The following TLL2 variants were observed in gnomAD, a reference collection of about 807,000 sequenced individuals.
TLL2 encodes tolloid like 2.
TLL2 carries 106 observed loss-of-function variants against 123.0 expected under a neutral mutation model. The observed-to-expected ratio is 0.86, with a 90% CI of 0.74 to 1.01. The LOEUF is 1.01. Among genes scored for constraint, TLL2 ranks in the 50% least tolerant of loss-of-function variants. The pLI is 0.00. For synonymous variants in TLL2, 494 were observed against 516.8 expected, an observed-to-expected ratio of 0.96 and a Z score of 0.60; for missense variants, 1,332 against 1,336.7, an observed-to-expected ratio of 1.00 and a Z score of 0.06.
rs2134047737 is a variant in TLL2 at position 96,367,285 on chromosome 10, G to A, written c.*803C>T. The A allele has an allele frequency of 1.3e-5, 2 of 152,268 alleles. No individual in the cohort carries two copies. Among genetic ancestry groups the A allele is most frequent in the East Asian group, 3.9e-4 (2 of 5,192 alleles). The allele number at this position is 152,268 out of a possible 1,614,324, so 9.4% of individuals were successfully genotyped here. On this transcript the variant is annotated 3_prime_UTR_variant, in exon 21 of 21. Coordinates refer to ENST00000357947, the MANE Select transcript of TLL2 (RefSeq NM_012465.4). ...TGAAGCCCATGGAATTCCAAGCACA[G>A]GTGGAGTCTTCTCAAAGTCAATGAA...
At chr10:96,494,016 G>A (rs1847444407) in intron 1 of TLL2, among the ~76,000 whole-genome samples, 1 of 152,190 alleles carries the variant, frequency 6.6e-6, no homozygotes, top group Non-Finnish European at 1.5e-5. Context: ...TGCACAGGAT[G>A]CTGGTCCCAG....
intron 3 of TLL2, among the ~76,000 whole-genome samples, chr10:96,436,690 CT>C (rs113615659): frequency 3.0e-4 from 44 of 146,798 alleles, no homozygotes; most frequent in South Asian, 6.5e-4. Flanking sequence ...ATTGCTATAC[CT>C]TTTTTTTTTT....
At chr10:96,385,735 C>T (rs1054938415) in intron 15 of TLL2, among the ~76,000 whole-genome samples, 2 of 152,188 alleles carry the variant, frequency 1.3e-5, no homozygotes, top group Non-Finnish European at 2.9e-5. Context: ...CCTTTATTCG[C>T]CTCAGCTGCA....
chr10:96,373,906 G>T, intron 18 of TLL2, 97 bp from the exon 19 acceptor site: 2 of 1,042,366 alleles, frequency 1.9e-6, no homozygotes, highest in Non-Finnish European at 2.8e-6. Context: ...GCGAGGCAGT[G>T]CAGGGAGACG....
intron 13 of TLL2, among the ~76,000 whole-genome samples, chr10:96,392,516 G>A (rs916419464): frequency 6.6e-6 from 1 of 150,670 alleles, no homozygotes; most frequent in African/African-American, 2.4e-5. Flanking sequence ...TCTCAAAATT[G>A]TGCATTGCTG....
At chr10:96,448,848 G>T (rs1053214333) in intron 2 of TLL2, among the ~76,000 whole-genome samples, 1 of 152,120 alleles carries the variant, frequency 6.6e-6, no homozygotes, top group African/African-American at 2.4e-5. Context: ...GCAGTGGAGG[G>T]TCTGGAGAAT....
At chr10:96,380,817 C>T (rs568384764) in intron 16 of TLL2, among the ~76,000 whole-genome samples, 6 of 147,016 alleles carry the variant, frequency 4.1e-5, no homozygotes, top group Admixed American at 6.9e-5. Flanking sequence ...GTCCGGAGTT[C>T]GAGACACAAA....
At chr10:96,408,946 C>T (rs75877765) in intron 9 of TLL2, among the ~76,000 whole-genome samples, 50 of 152,292 alleles carry the variant, frequency 3.3e-4, no homozygotes, top group Admixed American at 7.2e-4. Context: ...GATGAGAGGA[C>T]TAAATTAGAT....
chr10:96,427,909 C>T (rs978373484), intron 5 of TLL2, among the ~76,000 whole-genome samples: 1 of 152,192 alleles, frequency 6.6e-6, no homozygotes, highest in East Asian at 1.9e-4. Flanking sequence ...ATTCTCCTGT[C>T]TCAGCCTCCC....
chr10:96,501,867 C>A (rs72812953), intron 1 of TLL2, among the ~76,000 whole-genome samples: 20,031 of 152,234 alleles, frequency 0.13, 1,754 homozygotes, highest in East Asian at 0.36. Flanking sequence ...TGGGCACCCA[C>A]CATGTGCTGG....
intron 7 of TLL2, among the ~76,000 whole-genome samples, chr10:96,417,898 A>C (rs1449815292): frequency 2.0e-5 from 3 of 152,318 alleles, no homozygotes; most frequent in African/African-American, 7.2e-5. Flanking sequence ...CAGTATCATC[A>C]AAAATAATAA....
intron 2 of TLL2, among the ~76,000 whole-genome samples, chr10:96,472,831 C>T (rs1847197868): frequency 6.6e-6 from 1 of 152,034 alleles, no homozygotes; most frequent in South Asian, 2.1e-4. Flanking sequence ...CTTTTTAGAG[C>T]CTCAAACCTT....
At chr10:96,485,134 C>A (rs550753216) in intron 1 of TLL2, among the ~76,000 whole-genome samples, 2 of 152,240 alleles carry the variant, frequency 1.3e-5, no homozygotes, top group South Asian at 4.1e-4. Flanking sequence ...AAATTTAACT[C>A]CAAGTGAATC....
intron 1 of TLL2, among the ~76,000 whole-genome samples, chr10:96,508,005 C>T (rs1343336620): frequency 7.9e-5 from 12 of 152,222 alleles, no homozygotes. Flanking sequence ...ATATCAGCCA[C>T]CCTTACCTAG....
At chr10:96,498,871 G>A (rs1057474316) in intron 1 of TLL2, among the ~76,000 whole-genome samples, 1 of 152,182 alleles carries the variant, frequency 6.6e-6, no homozygotes, top group Non-Finnish European at 1.5e-5. Context: ...GATCTTGAAG[G>A]ACTTTCTGAA....
At chr10:96,460,404 G>A (rs553241632) in intron 2 of TLL2, among the ~76,000 whole-genome samples, 1 of 152,300 alleles carries the variant, frequency 6.6e-6, no homozygotes, top group South Asian at 2.1e-4. Context: ...GAGAGGTCAT[G>A]AGGGATCAGT....
chr10:96,498,968 C>T (rs966395015), intron 1 of TLL2, among the ~76,000 whole-genome samples: 1 of 152,202 alleles, frequency 6.6e-6, no homozygotes, highest in Non-Finnish European at 1.5e-5. Flanking sequence ...AAGCCAATGT[C>T]TGAGATACCA....
intron 7 of TLL2, among the ~76,000 whole-genome samples, chr10:96,417,297 G>A (rs1281637736): frequency 6.6e-6 from 1 of 152,176 alleles, no homozygotes; most frequent in Non-Finnish European, 1.5e-5. Flanking sequence ...AAAACCCAGT[G>A]AACAAAATTG....
chr10:96,400,098 A>T (rs1333157589), intron 10 of TLL2, among the ~76,000 whole-genome samples: 2 of 152,220 alleles, frequency 1.3e-5, no homozygotes, highest in African/African-American at 4.8e-5. Context: ...CATCTTCACC[A>T]TAATGGTTCT....
Sources: gnomAD v4.1 joint callset for allele counts (sites outside exome capture counted in the v4.1 genomes callset) on GRCh38, gnomAD v4.1.1 for gene constraint, MANE v1.5 for transcripts, NCBI Gene and HGNC (gene_info 2026-07-23, HGNC 2026-07-21) for gene names.